Variants in GABRG3 observed in about 807,000 individuals in gnomAD.
GABRG3 encodes gamma-aminobutyric acid type A receptor subunit gamma3, also known as gamma-aminobutyric acid receptor subunit gamma-3.
GABRG3 carries 25 observed loss-of-function variants against 48.8 expected under a neutral mutation model. The ratio of observed to expected loss-of-function variants is 0.51; its 90% confidence interval spans 0.37 to 0.72. The LOEUF (loss-of-function observed/expected upper bound fraction) is 0.72. Among genes scored for constraint, GABRG3 ranks in the 30% least tolerant of loss-of-function variants. The probability of loss-of-function intolerance (pLI) is 0.00; values close to 1 mark genes in which losing one functional copy is unlikely to be tolerated. For missense variants in GABRG3, 394 were observed against 577.9 expected, an observed-to-expected ratio of 0.68 and a Z score of 3.26; for synonymous variants, 227 against 217.6, an observed-to-expected ratio of 1.04 and a Z score of -0.38.
chr15:27,372,246 G>A (rs1005177634), intron 5 of GABRG3, among the ~76,000 whole-genome samples: 4 of 151,980 alleles, frequency 2.6e-5, no homozygotes, highest in Non-Finnish European at 5.9e-5. Context: ...AGTTTAGATG[G>A]GGCTAAAGAT....
intron 3 of GABRG3, among the ~76,000 whole-genome samples, chr15:27,046,747 C>A (rs968495384): frequency 6.6e-6 from 1 of 152,186 alleles, no homozygotes; most frequent in Non-Finnish European, 1.5e-5. Flanking sequence ...AATAGGCACA[C>A]ACCTTTAAAA....
chr15:27,065,901 A>G (rs1287507670), intron 3 of GABRG3, among the ~76,000 whole-genome samples: 1 of 152,212 alleles, frequency 6.6e-6, no homozygotes, highest in East Asian at 1.9e-4. Flanking sequence ...TCGGTTTCCA[A>G]ACAGAGAAAA....
At chr15:27,111,443 T>A (rs1267439338) in intron 3 of GABRG3, among the ~76,000 whole-genome samples, 1 of 152,214 alleles carries the variant, frequency 6.6e-6, no homozygotes, top group Non-Finnish European at 1.5e-5. Context: ...TGCCTTGTAC[T>A]TTTTTACTGA....
At chr15:27,515,120 G>A (rs976005303) in intron 6 of GABRG3, among the ~76,000 whole-genome samples, 1 of 151,208 alleles carries the variant, frequency 6.6e-6, no homozygotes, top group Non-Finnish European at 1.5e-5. Flanking sequence ...TTTTGCTCTC[G>A]TTGCCCAGGC....
intron 3 of GABRG3, among the ~76,000 whole-genome samples, chr15:27,181,544 G>C (rs1887932388): frequency 6.6e-6 from 1 of 152,176 alleles, no homozygotes; most frequent in Admixed American, 6.5e-5. Context: ...CTGTCTGAAT[G>C]AATTTCTCCC....
intron 3 of GABRG3, among the ~76,000 whole-genome samples, chr15:27,151,741 C>T (rs138763209): frequency 6.6e-6 from 1 of 152,090 alleles, no homozygotes; most frequent in Non-Finnish European, 1.5e-5. Flanking sequence ...AGAAGGAGAC[C>T]CTGACTCAAG....
chr15:27,438,112 C>T (rs1031918612), intron 5 of GABRG3, among the ~76,000 whole-genome samples: 1 of 152,114 alleles, frequency 6.6e-6, no homozygotes, highest in South Asian at 2.1e-4. Context: ...ATCAGAAGCT[C>T]CAGGGATCCA....
Position 27,436,295 on chromosome 15 carries a change from G to A in GABRG3, c.575-44355G>A, listed in dbSNP as rs74006941. Among the ~76,000 whole-genome samples, 8 of 152,120 alleles carry A rather than the reference G, an allele frequency of 5.3e-5. No homozygotes were observed. The South Asian group carries it at 1.0e-3, about 20-fold the overall frequency. On this transcript the variant is annotated intron_variant, in intron 5 of 9. Coordinates refer to ENST00000615808, the MANE Select transcript of GABRG3 (RefSeq NM_033223.5). ...TAATAAGGGCACTAATCCCACTTGTGGGGGGAAGGGGCTGCATCCTCATGA... is the reference window on the plus strand; with the variant it reads ...TAATAAGGGCACTAATCCCACTTGTAGGGGGAAGGGGCTGCATCCTCATGA...
chr15:27,423,709 C>CAAT (rs1888201823), intron 5 of GABRG3, among the ~76,000 whole-genome samples: 3 of 111,944 alleles, frequency 2.7e-5, no homozygotes, highest in South Asian at 5.8e-4. Flanking sequence ...CCACACCTGG[C>CAAT]TTTTTCTTTT....
chr15:27,281,827 A>G (rs1321247332), intron 3 of GABRG3, among the ~76,000 whole-genome samples: 1 of 151,940 alleles, frequency 6.6e-6, no homozygotes, highest in East Asian at 1.9e-4. Context: ...ATTTACCCAT[A>G]TTTTCACTCT....
At chr15:27,463,648 G>A (rs1257254243) in intron 5 of GABRG3, among the ~76,000 whole-genome samples, 3 of 152,166 alleles carry the variant, frequency 2.0e-5, no homozygotes, top group Non-Finnish European at 2.9e-5. Flanking sequence ...TCTTCTGTGG[G>A]GGTGTGCTGT....
chr15:27,063,500 T>C (rs1896686680), intron 3 of GABRG3, among the ~76,000 whole-genome samples: 1 of 152,134 alleles, frequency 6.6e-6, no homozygotes, highest in South Asian at 2.1e-4. Flanking sequence ...TTGTTTAAGA[T>C]TGTGTGGGCC....
At chr15:26,991,396 A>G (rs1895245598) in intron 2 of GABRG3, among the ~76,000 whole-genome samples, 1 of 151,516 alleles carries the variant, frequency 6.6e-6, no homozygotes, top group South Asian at 2.1e-4. Context: ...AGCTTTGACT[A>G]TTTTGGGTCT....
In GABRG3 at chr15:27,275,600, A is replaced by G. The variant is rs540337788; in HGVS notation, c.271-51209A>G. On this transcript the variant is annotated intron_variant, in intron 3 of 9. Coordinates refer to ENST00000615808, the MANE Select transcript of GABRG3 (RefSeq NM_033223.5). Reference sequence around the variant, plus strand: ...CAGATCAGCCAGTTCAGTTCCCCCAAAGACTGGACTGAATTTCTGATGGTT... The same window carrying G: ...CAGATCAGCCAGTTCAGTTCCCCCAGAGACTGGACTGAATTTCTGATGGTT... Among the ~76,000 whole-genome samples the G allele has an allele frequency of 6.6e-5, 10 of 152,222 alleles. No homozygotes were observed. The East Asian group carries it at 1.9e-3, about 29-fold the overall frequency.
intron 3 of GABRG3, among the ~76,000 whole-genome samples, chr15:27,036,564 C>T (rs917545314): frequency 3.3e-5 from 5 of 152,138 alleles, no homozygotes; most frequent in Non-Finnish European, 7.4e-5. Flanking sequence ...GTGGCATGCA[C>T]CTGTAATCCC....
In GABRG3 at chr15:26,975,585, T is replaced by C. The variant is rs1894927128; in HGVS notation, c.54-1417T>C. Among the ~76,000 whole-genome samples, 2 of 152,192 alleles carry C rather than the reference T, an allele frequency of 1.3e-5. No homozygotes were observed. Among genetic ancestry groups the C allele is most frequent in the Non-Finnish European group, 2.9e-5 (2 of 68,030 alleles). On this transcript the variant is annotated intron_variant, in intron 1 of 9. Transcript: ENST00000615808. The surrounding 1 kb of genome is among the most constrained non-coding windows in gnomAD (Gnocchi z 4.6). ...TAACACGCTTTAAAAGACTCATGTA[T>C]ATATTACATAAATATGCATGTGCAT...
rs901785091 is a variant in GABRG3, at chr15:27,306,434, A to C, written c.271-20375A>C. Among the ~76,000 whole-genome samples, 201 of 138,776 alleles carry C rather than the reference A, an allele frequency of 1.4e-3. 2 individuals carry two copies. Among genetic ancestry groups the C allele is most frequent in the Non-Finnish European group, 4.0e-4 (26 of 65,562 alleles). 91.0% of individuals were successfully genotyped at this position (138,776 alleles called of 152,430 possible). ...AAACATGTCTACATGTAAACATATA[A>C]TACGAACATATGTCTACATATAAAC... On this transcript the variant is annotated intron_variant, in intron 3 of 9. Transcript: ENST00000615808.
intron 3 of GABRG3, among the ~76,000 whole-genome samples, chr15:27,055,086 G>A (rs1436995174): frequency 6.7e-6 from 1 of 150,084 alleles, no homozygotes; most frequent in Non-Finnish European, 1.5e-5. Flanking sequence ...AAAAACAGCA[G>A]CAGCAGCAAC....
intron 3 of GABRG3, among the ~76,000 whole-genome samples, chr15:27,127,281 A>G (rs1897837367): frequency 6.6e-6 from 1 of 152,160 alleles, no homozygotes; most frequent in South Asian, 2.1e-4. Flanking sequence ...CAAAAAAGGA[A>G]ATTCTTACAT....
Sources: allele counts gnomAD v4.1 joint callset (sites outside exome capture counted in the v4.1 genomes callset), GRCh38; gene constraint gnomAD v4.1.1; non-coding constraint Gnocchi (gnomAD v3.1); transcripts MANE v1.5; gene names NCBI Gene and HGNC (gene_info 2026-07-23, HGNC 2026-07-21).